The following TRAT1 variants were observed in gnomAD, a reference collection of about 807,000 sequenced individuals.
The protein encoded by TRAT1 is T cell receptor associated transmembrane adaptor 1.
A neutral mutation model predicts 20.0 loss-of-function variants in TRAT1; 20 were observed. That is an observed-to-expected ratio of 1.00 (90% CI 0.70 to 1.45). The LOEUF (loss-of-function observed/expected upper bound fraction) is 1.45, where lower values mean the gene tolerates loss of function less well. Among genes scored for constraint, TRAT1 ranks in the 40% most tolerant of loss-of-function variants. The pLI, the probability that TRAT1 is intolerant of heterozygous loss-of-function variation, is 0.00. For missense variants in TRAT1, 237 were observed against 224.1 expected (o/e 1.06, Z -0.37); for synonymous variants, 77 against 74.2 (o/e 1.04, Z -0.20).
At chr3:108,841,026 A>G (rs1184655044) in intron 3 of TRAT1, among the ~76,000 whole-genome samples, 2 of 152,250 alleles carry the variant, frequency 1.3e-5, no homozygotes, top group African/African-American at 2.4e-5. Flanking sequence ...TCTGTGAGAG[A>G]CTAGAATAAA....
Position 108,853,954 on chromosome 3 carries a change from A to C in TRAT1, c.*77A>C, listed in dbSNP as rs1946023245. ...AGAAAACAAGATGCACAGAGGACAC[A>C]GAAGGACTTGGCAGCAGGGTGATGA... On this transcript the variant is annotated 3_prime_UTR_variant, in exon 6 of 6. Coordinates refer to ENST00000295756, the MANE Select transcript of TRAT1 (RefSeq NM_016388.4). The C allele has an allele frequency of 7.0e-7, 1 of 1,435,834 alleles. No homozygotes were observed. The highest frequency in any genetic ancestry group is 9.7e-7 in the Non-Finnish European group (1 of 1,036,094). The allele number at this position is 1,435,834 out of a possible 1,614,324, so 88.9% of individuals were successfully genotyped here. A position where few individuals can be genotyped will look rare whatever the true frequency, so the allele number is the denominator to read the frequency against.
rs1439862456 is a variant in TRAT1 at position 108,838,959 on chromosome 3, C to T, written c.144C>T (p.Asp48=). ...ATAAAATGTACAGCTACTCCAGTGA[C>T]CACACCAGGTATGTTGTGATTCAGT... ...RQDKMYSYSS[D]HTRVDEYYIE... Residue 48 remains aspartate (D), a synonymous_variant, in exon 3 of 6, where the codon GAC becomes GAT. Transcript: ENST00000295756. 2 of 1,606,914 alleles carry T rather than the reference C, an allele frequency of 1.2e-6. No individual in the cohort carries two copies. The highest frequency in any genetic ancestry group is 4.5e-5 in the East Asian group (2 of 44,798).
At chr3:108,826,754 G>A (rs1030174161) in intron 1 of TRAT1, among the ~76,000 whole-genome samples, 10 of 152,140 alleles carry the variant, frequency 6.6e-5, no homozygotes, top group Non-Finnish European at 4.4e-5. Flanking sequence ...GCCATTAAGA[G>A]AAGCTATATG....
intron 2 of TRAT1, among the ~76,000 whole-genome samples, chr3:108,838,434 A>AT (rs1190130243): frequency 3.3e-5 from 5 of 152,082 alleles, no homozygotes; most frequent in African/African-American, 9.7e-5. Context: ...TCTCCTATTG[A>AT]TTTTTTTCGT....
chr3:108,834,451 T>C (rs1945821206), intron 2 of TRAT1, among the ~76,000 whole-genome samples: 2 of 152,252 alleles, frequency 1.3e-5, no homozygotes, highest in South Asian at 4.1e-4. Context: ...GAACTATCTT[T>C]GTTTCTAACC....
intron 1 of TRAT1, among the ~76,000 whole-genome samples, chr3:108,823,705 T>A (rs1461869190): frequency 6.6e-6 from 1 of 152,210 alleles, no homozygotes; most frequent in African/African-American, 2.4e-5. Context: ...TTTTCATAAC[T>A]GAAATAATAA....
At position 108,838,393 on chromosome 3, in the gene TRAT1, GA is replaced by G. The variant is rs1945860066; in HGVS notation, c.119-540del. Among the ~76,000 whole-genome samples, 36 of 145,656 alleles carry G rather than the reference GA, an allele frequency of 2.5e-4. No individual in the cohort carries two copies. In the South Asian group the frequency reaches 7.7e-3, roughly 31 times the overall value. ...AGATAGATAGATAGATAGATAGATA[GA>G]TAGATAGATAGAGATTGATAAAAGA... On this transcript the variant is annotated intron_variant, in intron 2 of 5. Transcript: ENST00000295756.
intron 1 of TRAT1, 34 bp downstream of exon 1, chr3:108,822,968 T>G (rs1945706100): frequency 6.2e-7 from 1 of 1,603,638 alleles, no homozygotes; most frequent in Non-Finnish European, 8.5e-7. Flanking sequence ...GTTCCATTTG[T>G]GTGTCTAAAA....
intron 2 of TRAT1, among the ~76,000 whole-genome samples, chr3:108,836,717 G>A (rs1576520524): frequency 6.6e-6 from 1 of 152,118 alleles, no homozygotes; most frequent in African/African-American, 2.4e-5. Flanking sequence ...ATTTACCTCT[G>A]ACATGTACTC....
At position 108,854,514 on chromosome 3, in the gene TRAT1, A is replaced by T. The variant is rs2107518284; in HGVS notation, c.*637A>T. On this transcript the variant is annotated 3_prime_UTR_variant, in exon 6 of 6. Transcript: ENST00000295756. The stretch of plus-strand genomic sequence containing the variant: ...AGTTTAGGAATTCTACTAGCCAGAG[A>T]TAGTCACTTGGAGAAACTTTCTATA... The T allele has an allele frequency of 6.6e-6, 1 of 152,290 alleles. No individual in the cohort carries two copies. The highest frequency in any genetic ancestry group is 1.5e-5 in the Non-Finnish European group (1 of 68,000). 9.4% of individuals were successfully genotyped at this position (152,290 alleles called of 1,614,324 possible).
At chr3:108,834,457 TA>T (rs1559821482) in intron 2 of TRAT1, among the ~76,000 whole-genome samples, 1 of 152,230 alleles carries the variant, frequency 6.6e-6, no homozygotes, top group East Asian at 1.9e-4. Context: ...TCTTTGTTTC[TA>T]ACCCAGAGAT....
At chr3:108,852,791 G>T (rs1264725253) in intron 5 of TRAT1, among the ~76,000 whole-genome samples, 2 of 152,180 alleles carry the variant, frequency 1.3e-5, no homozygotes, top group Non-Finnish European at 2.9e-5. Flanking sequence ...AGAAAATTGA[G>T]GTTCAGAATA....
chr3:108,839,105 C>T (rs1945868080), intron 3 of TRAT1, 138 bp downstream of exon 3: 1 of 675,736 alleles, frequency 1.5e-6, no homozygotes, highest in African/African-American at 1.8e-5. Flanking sequence ...ATTACTTTTA[C>T]TCTCATCTAA....
At chr3:108,841,175 A>G (rs76159141) in intron 3 of TRAT1, among the ~76,000 whole-genome samples, 1 of 152,264 alleles carries the variant, frequency 6.6e-6, no homozygotes, top group Non-Finnish European at 1.5e-5. Flanking sequence ...GTCCTGCAAC[A>G]ACAAAGATAC....
Position 108,830,748 on chromosome 3 carries a change from A to G in TRAT1, c.86A>G (p.Asn29Ser). 4 of 1,613,788 alleles carry G rather than the reference A, an allele frequency of 2.5e-6. No homozygotes were observed. The highest frequency in any genetic ancestry group is 1.1e-5 in the South Asian group (1 of 91,074). Residue 29 changes from asparagine to serine, a missense_variant, in exon 2 of 6, where the codon AAT becomes AGT. Transcript: ENST00000295756. ...GCTTTGGTTATATCACTGATCTTCAATATTTCCCACTATGTGGAAAAGCAA... is the reference window on the plus strand; with the variant it reads ...GCTTTGGTTATATCACTGATCTTCAGTATTTCCCACTATGTGGAAAAGCAA... ...GLALVISLIF[N>S]ISHYVEKQRQ... is the part of the protein sequence containing the mutation.
chr3:108,831,398 G>C (rs1294157760), intron 2 of TRAT1, among the ~76,000 whole-genome samples: 1 of 152,164 alleles, frequency 6.6e-6, no homozygotes, highest in African/African-American at 2.4e-5. Flanking sequence ...ATGGCCTGAA[G>C]CCCAGCAGCT....
intron 5 of TRAT1, among the ~76,000 whole-genome samples, chr3:108,850,776 CAAGG>C (rs1371032126): frequency 6.6e-6 from 1 of 152,162 alleles, no homozygotes; most frequent in Non-Finnish European, 1.5e-5. Flanking sequence ...GAAAACCTCT[CAAGG>C]AAGGTTAAAA....
chr3:108,844,529 T>C (rs1222571253), intron 3 of TRAT1, among the ~76,000 whole-genome samples: 1 of 146,454 alleles, frequency 6.8e-6, no homozygotes, highest in African/African-American at 2.7e-5. Context: ...TAAATATAAA[T>C]GTAAAAAATA....
rs67112821 is a variant in TRAT1 at position 108,835,895 on chromosome 3, GTATT to G, written c.119-3001_119-2998del. ...ATTCAATAGAGTTAGTTGTTTGTTT[GTATT>G]TATTTATTTATTTATTTATTTATTT... On this transcript the variant is annotated intron_variant, in intron 2 of 5. Transcript: ENST00000295756. Among the ~76,000 whole-genome samples the G allele has an allele frequency of 3.2e-3, 477 of 150,004 alleles. 2 individuals carry two copies. The highest frequency in any genetic ancestry group is 8.3e-3 in the African/African-American group (337 of 40,640).
Sources: allele counts gnomAD v4.1 joint callset (sites outside exome capture counted in the v4.1 genomes callset), GRCh38; gene constraint gnomAD v4.1.1; transcripts MANE v1.5; gene names NCBI Gene and HGNC (gene_info 2026-07-23, HGNC 2026-07-21).